DPP10: variants seen among roughly 807,000 people sequenced by gnomAD.
The protein encoded by DPP10 is inactive dipeptidyl peptidase 10.
A neutral mutation model predicts 120.9 loss-of-function variants in DPP10; 33 were observed. That is an observed-to-expected ratio of 0.27 (90% CI 0.21 to 0.37). The LOEUF (loss-of-function observed/expected upper bound fraction) is 0.37. Ranked by LOEUF, DPP10 falls within the 10% of genes least tolerant of loss-of-function variation. The pLI, the probability that DPP10 is intolerant of heterozygous loss-of-function variation, is 1.00. For missense variants in DPP10, 816 were observed against 942.8 expected, an observed-to-expected ratio of 0.87 and a Z score of 1.76; for synonymous variants, 337 against 326.1, an observed-to-expected ratio of 1.03 and a Z score of -0.36.
intron 4 of DPP10, among the ~76,000 whole-genome samples, chr2:115,500,617 C>T (rs2076635974): frequency 1.3e-5 from 2 of 151,820 alleles, no homozygotes; most frequent in Non-Finnish European, 2.9e-5. Flanking sequence ...TAAATTTAAC[C>T]AGCCAACTAA....
intron 1 of DPP10, among the ~76,000 whole-genome samples, chr2:115,307,577 G>C (rs978472849): frequency 1.1e-4 from 17 of 151,950 alleles, no homozygotes; most frequent in Non-Finnish European, 2.1e-4. Context: ...CTCAGTTCTT[G>C]AGATGAGTAT....
At chr2:115,675,888 G>A (rs2090212385) in intron 5 of DPP10, among the ~76,000 whole-genome samples, 1 of 152,100 alleles carries the variant, frequency 6.6e-6, no homozygotes, top group Admixed American at 6.6e-5. Context: ...ACATCCCTGG[G>A]GCCTGACATC....
chr2:114,830,965 T>C (rs1687048607), intron 1 of DPP10, among the ~76,000 whole-genome samples: 1 of 150,432 alleles, frequency 6.6e-6, no homozygotes, highest in Non-Finnish European at 1.5e-5. Context: ...ACTGCATAGC[T>C]TTTAATAAAA....
chr2:115,810,110 C>T (rs141563010), intron 19 of DPP10, among the ~76,000 whole-genome samples: 2,754 of 150,978 alleles, frequency 0.018, 86 homozygotes, highest in African/African-American at 0.061. Flanking sequence ...GGCAGTGAGC[C>T]GAGATCGCAC....
rs184631452 is a variant in DPP10, at chr2:115,759,405, A to T, written c.1075-3167A>T. 1.6e-3 allele frequency among the ~76,000 whole-genome samples: 248 copies of T among 151,986 alleles called. 1 individual carries two copies. Among genetic ancestry groups the T allele is most frequent in the African/African-American group, 4.9e-3 (204 of 41,496 alleles). On this transcript the variant is annotated intron_variant, in intron 11 of 25. Coordinates refer to ENST00000410059, the MANE Select transcript of DPP10 (RefSeq NM_020868.6). ...AGATCCCATTTCTATATAAAAAAAA[A>T]AAAATAAAAGCACTCAACTTCATTA...
Position 114,609,371 on chromosome 2 carries a change from G to A in DPP10, c.60+166533G>A, listed in dbSNP as rs553538130. On this transcript the variant is annotated intron_variant, in intron 1 of 25. Coordinates refer to ENST00000410059, the MANE Select transcript of DPP10 (RefSeq NM_020868.6). ...TATCCCCTGGGCCTGAACTGCTTCCGTGACAGTCAATTCATTTGCAGATTC... is the reference window on the plus strand; with the variant it reads ...TATCCCCTGGGCCTGAACTGCTTCCATGACAGTCAATTCATTTGCAGATTC... Among the ~76,000 whole-genome samples, 9 of 152,198 alleles carry A rather than the reference G, an allele frequency of 5.9e-5. No homozygotes were observed. In the East Asian group the frequency reaches 1.4e-3, roughly 23 times the overall value.
intron 5 of DPP10, among the ~76,000 whole-genome samples, chr2:115,623,124 C>T (rs959177601): frequency 6.6e-6 from 1 of 152,142 alleles, no homozygotes; most frequent in African/African-American, 2.4e-5. Flanking sequence ...GGATTACAGG[C>T]GTGAGCCACC....
At chr2:115,391,826 A>C (rs1385136567) in intron 3 of DPP10, among the ~76,000 whole-genome samples, 2 of 152,114 alleles carry the variant, frequency 1.3e-5, no homozygotes, top group Non-Finnish European at 2.9e-5. Context: ...ATAGATGAGG[A>C]AAAGACAATG....
chr2:115,727,396 T>C (rs2149637265), intron 7 of DPP10, among the ~76,000 whole-genome samples: 1 of 152,222 alleles, frequency 6.6e-6, no homozygotes, highest in African/African-American at 2.4e-5. Flanking sequence ...CAAATGCATT[T>C]TTGTAAAAGT....
chr2:114,730,453 C>A (rs966571289), intron 1 of DPP10, among the ~76,000 whole-genome samples: 2 of 152,128 alleles, frequency 1.3e-5, no homozygotes, highest in Non-Finnish European at 2.9e-5. Context: ...TTTAATTTGG[C>A]AGATTTATAA....
chr2:115,127,546 G>C (rs900138554), intron 1 of DPP10, among the ~76,000 whole-genome samples: 11 of 152,116 alleles, frequency 7.2e-5, no homozygotes, highest in Non-Finnish European at 1.5e-4. Context: ...GTAAATATCT[G>C]TGTTTCTATC....
intron 1 of DPP10, among the ~76,000 whole-genome samples, chr2:115,006,855 G>A (rs1701885482): frequency 6.6e-6 from 1 of 151,712 alleles, no homozygotes; most frequent in African/African-American, 2.4e-5. Flanking sequence ...ACTCAGCTCT[G>A]CACCAAGCGG....
chr2:114,467,020 G>T (rs377222765), intron 1 of DPP10, among the ~76,000 whole-genome samples: 1 of 143,400 alleles, frequency 7.0e-6, no homozygotes, highest in Admixed American at 7.2e-5. Flanking sequence ...CAGGGCGAGA[G>T]AGGAAGACTC....
At chr2:115,162,078 T>C (rs1330903699) in intron 1 of DPP10, 1 of 1,483,894 alleles carries the variant, frequency 6.7e-7, no homozygotes. Context: ...GTGGCTCCAG[T>C]GCGCGCTCCG....
intron 5 of DPP10, among the ~76,000 whole-genome samples, chr2:115,590,540 G>C (rs2082589022): frequency 6.6e-6 from 1 of 152,268 alleles, no homozygotes; most frequent in Non-Finnish European, 1.5e-5. Context: ...GTGTATATGT[G>C]CCACATTTTC....
intron 3 of DPP10, among the ~76,000 whole-genome samples, chr2:115,374,517 T>C (rs2065643527): frequency 6.6e-6 from 1 of 152,198 alleles, no homozygotes; most frequent in Admixed American, 6.5e-5. Context: ...CAGTGGTCTT[T>C]TTCTCACAGC....
intron 1 of DPP10, among the ~76,000 whole-genome samples, chr2:114,921,541 GT>G (rs1695195174): frequency 6.6e-6 from 1 of 152,076 alleles, no homozygotes; most frequent in Non-Finnish European, 1.5e-5. Flanking sequence ...TCATAAATAA[GT>G]TATATTAATT....
intron 1 of DPP10, among the ~76,000 whole-genome samples, chr2:114,630,541 A>G (rs1454234175): frequency 6.6e-6 from 1 of 152,236 alleles, no homozygotes; most frequent in South Asian, 2.1e-4. Flanking sequence ...ATTACGAAAG[A>G]TGTTATTAGG....
intron 5 of DPP10, among the ~76,000 whole-genome samples, chr2:115,607,066 TACTC>T (rs2083749905): frequency 6.6e-6 from 1 of 152,046 alleles, no homozygotes; most frequent in Admixed American, 6.6e-5. Context: ...AAAAACCAAA[TACTC>T]ACAGACAATT....
Sources: allele counts gnomAD v4.1 joint callset (sites outside exome capture counted in the v4.1 genomes callset), GRCh38; gene constraint gnomAD v4.1.1; transcripts MANE v1.5; gene names NCBI Gene and HGNC (gene_info 2026-07-23, HGNC 2026-07-21).